PPP2R3A: variants seen among roughly 807,000 people sequenced by gnomAD.
PPP2R3A encodes serine/threonine-protein phosphatase 2A regulatory subunit B'' subunit alpha.
In PPP2R3A, 80 loss-of-function variants were observed where a neutral mutation model predicts 106.9. The ratio of observed to expected loss-of-function variants is 0.75; its 90% CI spans 0.62 to 0.90. PPP2R3A has a LOEUF of 0.90. Ranked by LOEUF, PPP2R3A falls within the 40% of genes least tolerant of loss-of-function variation. PPP2R3A has a pLI of 0.00. For synonymous variants in PPP2R3A, 483 were observed against 468.3 expected (o/e 1.03, Z -0.41); for missense variants, 1,386 against 1,350.4 (o/e 1.03, Z -0.41).
intron 13 of PPP2R3A, among the ~76,000 whole-genome samples, chr3:136,128,081 G>A (rs1284821570): frequency 2.0e-5 from 3 of 152,116 alleles, no homozygotes; most frequent in South Asian, 2.1e-4. Flanking sequence ...AAAGACCATC[G>A]ATGCTATGAA....
intron 2 of PPP2R3A, among the ~76,000 whole-genome samples, chr3:136,011,199 C>T (rs915471556): frequency 2.6e-5 from 4 of 152,034 alleles, no homozygotes; most frequent in African/African-American, 7.2e-5. Context: ...CAATCTTTGG[C>T]ATTCCCTTTC....
chr3:135,967,287 A>G lies in PPP2R3A; in HGVS notation c.-441+1438A>G, dbSNP rs532298984. On this transcript the variant is annotated intron_variant, in intron 1 of 13. Coordinates refer to ENST00000264977, the MANE Select transcript of PPP2R3A (RefSeq NM_002718.5). ...GGTTTTTAAAAAACAAAGCTTTGGGAAAGTGTTACTGGGGCCAATCTGGCT... is the reference window on the plus strand; with the variant it reads ...GGTTTTTAAAAAACAAAGCTTTGGGGAAGTGTTACTGGGGCCAATCTGGCT... 7.4e-4 allele frequency among the ~76,000 whole-genome samples: 113 copies of G among 152,322 alleles called. 1 individual carries two copies. The highest frequency in any genetic ancestry group is 1.2e-3 in the Admixed American group (19 of 15,304).
intron 13 of PPP2R3A, among the ~76,000 whole-genome samples, chr3:136,118,900 C>T (rs2107996800): frequency 6.6e-6 from 1 of 152,232 alleles, no homozygotes; most frequent in East Asian, 1.9e-4. Context: ...CAAAAAAGAG[C>T]CCACATTGCC....
chr3:136,029,063 G>A (rs1480370895), intron 3 of PPP2R3A, among the ~76,000 whole-genome samples: 1 of 152,126 alleles, frequency 6.6e-6, no homozygotes, highest in African/African-American at 2.4e-5. Context: ...ATGTTGGTCA[G>A]GCTGGTCTCA....
intron 2 of PPP2R3A, among the ~76,000 whole-genome samples, 194 bp from the exon 3 acceptor site, chr3:136,026,638 G>A (rs1026868897): frequency 6.6e-6 from 1 of 151,978 alleles, no homozygotes; most frequent in Non-Finnish European, 1.5e-5. Context: ...CTTGAGTACT[G>A]GCAGATAATT....
intron 5 of PPP2R3A, among the ~76,000 whole-genome samples, chr3:136,065,331 C>G (rs1484898949): frequency 6.6e-6 from 1 of 151,782 alleles, no homozygotes; most frequent in African/African-American, 2.4e-5. Context: ...AGCAAAAGAC[C>G]TAAAAGTGTA....
At chr3:136,140,620 T>C (rs1244837123) in intron 13 of PPP2R3A, among the ~76,000 whole-genome samples, 1 of 151,528 alleles carries the variant, frequency 6.6e-6, no homozygotes, top group African/African-American at 2.4e-5. Flanking sequence ...TGGTGGCACA[T>C]GCCTGTAATC....
At chr3:135,982,387 T>G (rs550631949) in intron 1 of PPP2R3A, among the ~76,000 whole-genome samples, 4 of 152,284 alleles carry the variant, frequency 2.6e-5, no homozygotes, top group Admixed American at 6.5e-5. Context: ...ACATGTAGGA[T>G]GTCCGCTGAA....
intron 3 of PPP2R3A, among the ~76,000 whole-genome samples, chr3:136,034,652 A>G (rs183640438): frequency 1.6e-4 from 24 of 152,224 alleles, no homozygotes; most frequent in East Asian, 9.7e-4. Flanking sequence ...TCTATGGTCT[A>G]TCTTGGAGAA....
intron 2 of PPP2R3A, among the ~76,000 whole-genome samples, chr3:136,004,529 G>A (rs1480552593): frequency 6.6e-6 from 1 of 152,156 alleles, no homozygotes; most frequent in African/African-American, 2.4e-5. Context: ...AAGAAACATA[G>A]AAAAGCACAT....
chr3:136,102,599 G>A (rs1189707436), intron 11 of PPP2R3A, among the ~76,000 whole-genome samples: 7 of 151,990 alleles, frequency 4.6e-5, no homozygotes, highest in South Asian at 2.1e-4. Flanking sequence ...CACCCACCTC[G>A]GTCTCCCAAA....
intron 13 of PPP2R3A, among the ~76,000 whole-genome samples, chr3:136,129,903 A>G (rs1263465200): frequency 1.3e-5 from 2 of 152,256 alleles, no homozygotes. Context: ...AACAGAACCA[A>G]TGACAAAAAC....
At chr3:136,031,753 A>T (rs967295484) in intron 3 of PPP2R3A, among the ~76,000 whole-genome samples, 10 of 152,202 alleles carry the variant, frequency 6.6e-5, no homozygotes, top group Non-Finnish European at 1.2e-4. Context: ...CATTTGTTTG[A>T]AAAGAGTATG....
At position 136,074,000 on chromosome 3, in the gene PPP2R3A, C is replaced by A. The variant is rs114129180; in HGVS notation, c.2544+3448C>A. Among the ~76,000 whole-genome samples the A allele has an allele frequency of 3.1e-3, 476 of 152,282 alleles. 3 individuals are homozygous for A. The highest frequency in any genetic ancestry group is 0.011 in the African/African-American group (463 of 41,554). On this transcript the variant is annotated intron_variant, in intron 6 of 13. Coordinates refer to ENST00000264977, the MANE Select transcript of PPP2R3A (RefSeq NM_002718.5). ...TTTCTAAGAAACATATAAAGATCAGCCTCAGAATTAATGACAGATATCTCA... is the reference window on the plus strand; with the variant it reads ...TTTCTAAGAAACATATAAAGATCAGACTCAGAATTAATGACAGATATCTCA...
At position 136,052,037 on chromosome 3, in the gene PPP2R3A, G is replaced by C. The variant is rs116390930; in HGVS notation, c.2469+2676G>C. Among the ~76,000 whole-genome samples the C allele has an allele frequency of 5.6e-3, 859 of 152,256 alleles. 11 individuals carry two copies. Among genetic ancestry groups the C allele is most frequent in the African/African-American group, 0.019 (803 of 41,558 alleles). Reference sequence around the variant, plus strand: ...CTCATGAGAATGAAGATTCTTAATAGTTTTTGGCATTTAATTAAGACCATT... The same window carrying C: ...CTCATGAGAATGAAGATTCTTAATACTTTTTGGCATTTAATTAAGACCATT... On this transcript the variant is annotated intron_variant, in intron 5 of 13. Coordinates refer to ENST00000264977, the MANE Select transcript of PPP2R3A (RefSeq NM_002718.5).
At chr3:136,123,077 T>C (rs1256961836) in intron 13 of PPP2R3A, among the ~76,000 whole-genome samples, 1 of 151,168 alleles carries the variant, frequency 6.6e-6, no homozygotes, top group Non-Finnish European at 1.5e-5. Context: ...AGTTGCTGTG[T>C]TAATTTATTA....
intron 13 of PPP2R3A, among the ~76,000 whole-genome samples, chr3:136,136,095 A>AT (rs1559940409): frequency 7.4e-6 from 1 of 134,238 alleles, no homozygotes; most frequent in African/African-American, 3.0e-5. Context: ...TATATATATA[A>AT]AAAACATCAT....
chr3:136,014,641 G>T (rs1268187082), intron 2 of PPP2R3A, among the ~76,000 whole-genome samples: 2 of 152,052 alleles, frequency 1.3e-5, no homozygotes, highest in African/African-American at 4.8e-5. Flanking sequence ...GTCTCAGTTG[G>T]TGTATAGCAG....
chr3:135,996,449 A>G (rs1325071441), intron 1 of PPP2R3A, among the ~76,000 whole-genome samples: 2 of 152,234 alleles, frequency 1.3e-5, no homozygotes, highest in South Asian at 2.1e-4. Context: ...TAGACCTTCT[A>G]CATCTCAAAT....
Sources: allele counts gnomAD v4.1 joint callset (sites outside exome capture counted in the v4.1 genomes callset), GRCh38; gene constraint gnomAD v4.1.1; transcripts MANE v1.5; gene names NCBI Gene and HGNC (gene_info 2026-07-23, HGNC 2026-07-21).